Variants in SETBP1 observed in about 807,000 individuals in gnomAD.
SETBP1 encodes SET binding protein 1, also known as SET-binding protein.
In SETBP1, 9 loss-of-function variants were observed where a neutral mutation model predicts 101.0. The observed-to-expected ratio is 0.09, with a 90% confidence interval of 0.05 to 0.16. SETBP1 has a LOEUF of 0.16. Ranked by LOEUF, SETBP1 falls within the 10% of genes least tolerant of loss-of-function variation. The pLI, the probability that SETBP1 is intolerant of heterozygous loss-of-function variation, is 1.00. For missense variants in SETBP1, 1,858 were observed against 2,033.8 expected (o/e 0.91, Z 1.66); for synonymous variants, 818 against 788.5 (o/e 1.04, Z -0.63).
intron 4 of SETBP1, among the ~76,000 whole-genome samples, chr18:45,038,148 A>C (rs1357878961): frequency 6.6e-6 from 1 of 152,090 alleles, no homozygotes; most frequent in Non-Finnish European, 1.5e-5. Flanking sequence ...ACTCCCCTTC[A>C]TGCTGCACAC....
At chr18:44,763,270 G>A (rs2070698299) in intron 2 of SETBP1, among the ~76,000 whole-genome samples, 1 of 152,194 alleles carries the variant, frequency 6.6e-6, no homozygotes, top group African/African-American at 2.4e-5. Context: ...GACGTTAAAT[G>A]CAAGGTCATG....
At chr18:44,817,105 A>T (rs1436048792) in intron 2 of SETBP1, among the ~76,000 whole-genome samples, 2 of 152,126 alleles carry the variant, frequency 1.3e-5, no homozygotes, top group Non-Finnish European at 2.9e-5. Context: ...CTGCTCCTAA[A>T]CCTAGAAGGC....
At chr18:44,948,516 G>GATAGATAGATAA in intron 3 of SETBP1, among the ~76,000 whole-genome samples, 1 of 152,134 alleles carries the variant, frequency 6.6e-6, no homozygotes, top group Non-Finnish European at 1.5e-5. Context: ...TAGATAGATA[G>GATAGATAGATAA]ATAGATAGAT....
intron 4 of SETBP1, chr18:44,986,334 G>A (rs1294678828): frequency 2.0e-5 from 3 of 152,160 alleles, no homozygotes; most frequent in Non-Finnish European, 4.4e-5. Context: ...GAGATTATAG[G>A]ACTGGAAGTT....
chr18:44,781,447 C>T (rs1028549948), intron 2 of SETBP1, among the ~76,000 whole-genome samples: 9 of 150,538 alleles, frequency 6.0e-5, no homozygotes, highest in South Asian at 2.2e-4. Flanking sequence ...TTCTTTGCAC[C>T]GCTCTCTCTC....
intron 4 of SETBP1, among the ~76,000 whole-genome samples, chr18:44,995,356 C>G (rs111879327): frequency 6.6e-6 from 1 of 151,770 alleles, no homozygotes; most frequent in Non-Finnish European, 1.5e-5. Flanking sequence ...TTAGCCAGGA[C>G]GGTCTTGATC....
chr18:44,756,866 A>G (rs2070508005), intron 2 of SETBP1, among the ~76,000 whole-genome samples: 1 of 152,176 alleles, frequency 6.6e-6, no homozygotes, highest in Non-Finnish European at 1.5e-5. Flanking sequence ...AATAAATGGC[A>G]TGCTGTCTCT....
chr18:44,969,269 T>C (rs1483724432), intron 4 of SETBP1, among the ~76,000 whole-genome samples: 1 of 152,120 alleles, frequency 6.6e-6, no homozygotes, highest in Non-Finnish European at 1.5e-5. Flanking sequence ...ATGCTACTCT[T>C]GAATGGGGAA....
chr18:45,054,028 C>A (rs764172371), intron 5 of SETBP1, among the ~76,000 whole-genome samples: 2 of 152,170 alleles, frequency 1.3e-5, no homozygotes, highest in Non-Finnish European at 2.9e-5. Flanking sequence ...TTCTATCCAG[C>A]CTTCCATGTT....
At chr18:44,880,454 A>G (rs1191075588) in intron 3 of SETBP1, among the ~76,000 whole-genome samples, 1 of 152,220 alleles carries the variant, frequency 6.6e-6, no homozygotes, top group Non-Finnish European at 1.5e-5. Context: ...ATGTGTAGGA[A>G]CAGAAATCCC....
chr18:44,829,647 C>A (rs886601458), intron 2 of SETBP1, among the ~76,000 whole-genome samples: 4 of 152,064 alleles, frequency 2.6e-5, no homozygotes, highest in African/African-American at 9.7e-5. Context: ...GGGAAAGGAA[C>A]CTTATAGTAG....
chr18:44,908,151 C>T (rs1348498237), intron 3 of SETBP1, among the ~76,000 whole-genome samples: 1 of 152,022 alleles, frequency 6.6e-6, no homozygotes, highest in Non-Finnish European at 1.5e-5. Context: ...ACCTCCGCCT[C>T]CCGGGTTCAA....
In SETBP1 at chr18:44,876,707, C is replaced by G. The variant is rs2069413655; in HGVS notation, c.540+7424C>G. The G allele has an allele frequency of 8.4e-6, 13 of 1,548,984 alleles. No homozygotes were observed. In the South Asian group the frequency reaches 1.1e-4, roughly 13 times the overall value. ...TTCCCCGCAAAACCCGGTTCTCTCA[C>G]TCTTCCTTTTCACAGTGAACCTGCA... On this transcript the variant is annotated intron_variant, in intron 3 of 5. Coordinates refer to ENST00000649279, the MANE Select transcript of SETBP1 (RefSeq NM_015559.3).
intron 2 of SETBP1, among the ~76,000 whole-genome samples, chr18:44,866,785 C>A (rs916144835): frequency 9.2e-5 from 14 of 152,122 alleles, no homozygotes; most frequent in African/African-American, 3.4e-4. Flanking sequence ...CCAGCTCAAG[C>A]TAGAGGTAAA....
chr18:44,987,605 T>C (rs1374962379), intron 4 of SETBP1: 1 of 152,230 alleles, frequency 6.6e-6, no homozygotes, highest in Non-Finnish European at 1.5e-5. Context: ...TCAAGATGGG[T>C]AATGTTAGTT....
At chr18:44,712,729 G>A (rs1266771667) in intron 2 of SETBP1, among the ~76,000 whole-genome samples, 2 of 152,038 alleles carry the variant, frequency 1.3e-5, no homozygotes, top group African/African-American at 4.8e-5. Context: ...GGATCATGAA[G>A]GAAGCCAAGA....
intron 2 of SETBP1, among the ~76,000 whole-genome samples, chr18:44,865,432 C>T (rs1028878281): frequency 1.3e-5 from 2 of 152,158 alleles, no homozygotes; most frequent in African/African-American, 4.8e-5. Flanking sequence ...CAATGATTTT[C>T]TCCTCTTCTC....
chr18:44,770,009 C>T (rs892832833), intron 2 of SETBP1, among the ~76,000 whole-genome samples: 4 of 152,236 alleles, frequency 2.6e-5, no homozygotes, highest in African/African-American at 9.6e-5. Context: ...GTCCCTGACT[C>T]CTAGTGGATC....
In SETBP1 at chr18:44,952,987, A is replaced by G; in HGVS notation, c.3647A>G (p.Glu1216Gly). ...GAGAAACAGAAGCACCAGCACAGCGAAGCCGGCCACAAAGCTTCTAAGAAC... is the reference window on the plus strand; with the variant it reads ...GAGAAACAGAAGCACCAGCACAGCGGAGCCGGCCACAAAGCTTCTAAGAAC... Reference protein sequence around the residue: ...HKEKQKHQHSEAGHKASKNNF... With the variant: ...HKEKQKHQHSGAGHKASKNNF... The change falls in exon 4 of 6, where the codon GAA becomes GGA. Residue 1216 changes from glutamate to glycine, a missense_variant. Physicochemically the swap from Glu to Gly is moderately conservative, Grantham distance 98. Coordinates refer to ENST00000649279, the MANE Select transcript of SETBP1 (RefSeq NM_015559.3). 1 of 1,614,206 alleles carries G rather than the reference A, an allele frequency of 6.2e-7. No individual in the cohort carries two copies. Among genetic ancestry groups the G allele is most frequent in the Non-Finnish European group, 8.5e-7 (1 of 1,180,036 alleles).
Sources: gnomAD v4.1 joint callset for allele counts (sites outside exome capture counted in the v4.1 genomes callset) on GRCh38, gnomAD v4.1.1 for gene constraint, MANE v1.5 for transcripts, NCBI Gene and HGNC (gene_info 2026-07-23, HGNC 2026-07-21) for gene names.